Variants in SUGT1 observed in about 807,000 individuals in gnomAD.
The protein encoded by SUGT1 is SGT1 assembly cochaperone of MIS12 kinetochore complex.
In SUGT1, 15 loss-of-function variants were observed where a neutral mutation model predicts 56.1. The observed-to-expected ratio is 0.27, with a 90% CI of 0.18 to 0.41. The LOEUF is 0.41. Ranked by LOEUF, SUGT1 falls within the 10% of genes least tolerant of loss-of-function variation. The probability of loss-of-function intolerance (pLI) is 1.00; values close to 1 mark genes in which losing one functional copy is unlikely to be tolerated. For missense variants in SUGT1, 347 were observed against 382.2 expected (o/e 0.91, Z 0.77); for synonymous variants, 123 against 128.6 (o/e 0.96, Z 0.30).
chr13:52,684,364 T>C (rs1056156570), intron 12 of SUGT1, among the ~76,000 whole-genome samples: 11 of 152,174 alleles, frequency 7.2e-5, no homozygotes. Flanking sequence ...GCTTATGTTA[T>C]TGAATTTTTT....
chr13:52,659,867 C>T (rs1438208880), intron 5 of SUGT1, among the ~76,000 whole-genome samples: 5 of 123,866 alleles, frequency 4.0e-5, no homozygotes, highest in African/African-American at 1.2e-4. Context: ...CTCACTCTGT[C>T]GCCCAGGCTG....
intron 12 of SUGT1, among the ~76,000 whole-genome samples, chr13:52,685,480 T>C (rs1963547023): frequency 1.3e-5 from 2 of 152,162 alleles, no homozygotes; most frequent in Non-Finnish European, 2.9e-5. Flanking sequence ...AAAGTACATC[T>C]ACTTGATCTT....
rs1963712761 is a variant in SUGT1 at position 52,689,488 on chromosome 13, A to G, written c.*1653A>G. 6.6e-6 allele frequency: 1 copy of G among 152,244 alleles called. No homozygotes were observed. Among genetic ancestry groups the G allele is most frequent in the Non-Finnish European group, 1.5e-5 (1 of 68,054 alleles). 9.4% of individuals were successfully genotyped at this position (152,244 alleles called of 1,614,324 possible). A position where few individuals can be genotyped will look rare whatever the true frequency, so the allele number is the denominator to read the frequency against. ...GTATAGCACTATACCAGAGACAAGAATGCTTAGCTCTAGCAAGTCTTCTGT... is the reference window on the plus strand; with the variant it reads ...GTATAGCACTATACCAGAGACAAGAGTGCTTAGCTCTAGCAAGTCTTCTGT... On this transcript the variant is annotated 3_prime_UTR_variant, in exon 13 of 13. Coordinates refer to ENST00000310528, the MANE Select transcript of SUGT1 (RefSeq NM_006704.5).
intron 11 of SUGT1, among the ~76,000 whole-genome samples, chr13:52,678,021 A>G (rs1220320896): frequency 6.6e-6 from 1 of 152,164 alleles, no homozygotes; most frequent in Non-Finnish European, 1.5e-5. Context: ...TGTGTATTGC[A>G]AGCTGGAGAC....
Position 52,689,546 on chromosome 13 carries a change from A to AAC in SUGT1, c.*1711_*1712insAC. The AAC allele has an allele frequency of 6.6e-6, 1 of 152,366 alleles. No individual in the cohort carries two copies. The highest frequency in any genetic ancestry group is 1.9e-4 in the East Asian group (1 of 5,186). 9.4% of individuals were successfully genotyped at this position (152,366 alleles called of 1,614,324 possible). The stretch of plus-strand genomic sequence containing the variant: ...TACCTTCATAATCTTCAGCAGGTTT[A>AAC]GGCCTTTCTTAGTTCCTTTGTAAAT... On this transcript the variant is annotated 3_prime_UTR_variant, in exon 13 of 13. Transcript: ENST00000310528.
At chr13:52,667,957 CT>C (rs529262431) in intron 10 of SUGT1, among the ~76,000 whole-genome samples, 7 of 151,086 alleles carry the variant, frequency 4.6e-5, no homozygotes, top group Non-Finnish European at 1.0e-4. Context: ...TGTAGGTAGG[CT>C]TTTTCCATTA....
chr13:52,695,163 G>A lies in SUGT1; in HGVS notation c.*7328G>A, dbSNP rs1594267075. ...GTTTTCTAAACTTTTTCTGTGGCTT[G>A]AAGTGACTGAAAGTGAACACATTCA... On this transcript the variant is annotated 3_prime_UTR_variant, in exon 13 of 13. Coordinates refer to ENST00000310528, the MANE Select transcript of SUGT1 (RefSeq NM_006704.5). 6.6e-6 allele frequency: 1 copy of A among 152,180 alleles called. No individual in the cohort carries two copies. Among genetic ancestry groups the A allele is most frequent in the South Asian group, 2.1e-4 (1 of 4,824 alleles). 9.4% of individuals were successfully genotyped at this position (152,180 alleles called of 1,614,324 possible). A position where few individuals can be genotyped will look rare whatever the true frequency, so the allele number is the denominator to read the frequency against.
intron 10 of SUGT1, among the ~76,000 whole-genome samples, chr13:52,671,009 C>G (rs562243648): frequency 6.6e-6 from 1 of 152,064 alleles, no homozygotes; most frequent in African/African-American, 2.4e-5. Context: ...TCTTCTCCCA[C>G]TTTGAGAAGT....
intron 7 of SUGT1, 89 bp downstream of exon 7, chr13:52,663,201 C>CT: frequency 7.5e-7 from 1 of 1,342,072 alleles, no homozygotes; most frequent in Non-Finnish European, 1.0e-6. Context: ...GATGAGCTGT[C>CT]TGATATTTAA....
intron 3 of SUGT1, among the ~76,000 whole-genome samples, 182 bp downstream of exon 3, chr13:52,657,804 C>T (rs1270752972): frequency 1.3e-5 from 2 of 152,050 alleles, no homozygotes; most frequent in Non-Finnish European, 2.9e-5. Flanking sequence ...TCGCTTTTTC[C>T]TTCATTGGGT....
At chr13:52,661,675 T>G (rs1204940096) in intron 5 of SUGT1, 4 of 332,496 alleles carry the variant, frequency 1.2e-5, no homozygotes, top group Middle Eastern at 4.4e-4. Flanking sequence ...TTTCCCCTCT[T>G]TGTGTGATAA....
intron 5 of SUGT1, among the ~76,000 whole-genome samples, chr13:52,662,293 G>C (rs1360519679): frequency 6.6e-6 from 1 of 152,160 alleles, no homozygotes; most frequent in African/African-American, 2.4e-5. Flanking sequence ...CACCCTAACT[G>C]ATGGCATATT....
intron 12 of SUGT1, among the ~76,000 whole-genome samples, chr13:52,680,558 A>C (rs1038701765): frequency 2.6e-5 from 4 of 152,174 alleles, no homozygotes; most frequent in Non-Finnish European, 4.4e-5. Flanking sequence ...TCATTGGTTT[A>C]ACAACTCTCT....
chr13:52,663,488 T>G (rs1427888919), intron 7 of SUGT1, among the ~76,000 whole-genome samples: 1 of 152,170 alleles, frequency 6.6e-6, no homozygotes, highest in African/African-American at 2.4e-5. Context: ...AATTGGAAAT[T>G]GACAGGGTCT....
chr13:52,687,683 T>A, intron 12 of SUGT1, 51 bp from the exon 13 acceptor site: 2 of 1,416,200 alleles, frequency 1.4e-6, no homozygotes, highest in African/African-American at 2.9e-5. Context: ...AAAAATATTC[T>A]ATTTTGATTA....
At chr13:52,658,143 T>C in intron 3 of SUGT1, 2 of 1,392,120 alleles carry the variant, frequency 1.4e-6, no homozygotes, top group Non-Finnish European at 1.9e-6. Context: ...AAAATGTTAA[T>C]GAGACAAGGA....
Position 52,695,773 on chromosome 13 carries a change from T to C in SUGT1, c.*7938T>C, listed in dbSNP as rs1243624832. 2 of 152,240 alleles carry C rather than the reference T, an allele frequency of 1.3e-5. No individual in the cohort carries two copies. The highest frequency in any genetic ancestry group is 4.8e-5 in the African/African-American group (2 of 41,460). The allele number at this position is 152,240 out of a possible 1,614,324, so 9.4% of individuals were successfully genotyped here. ...CTTTTTCTGCAAAGGGCACTTACAGTCTATTGCATATTCTTTGTTTTTAGT... is the reference window on the plus strand; with the variant it reads ...CTTTTTCTGCAAAGGGCACTTACAGCCTATTGCATATTCTTTGTTTTTAGT... On this transcript the variant is annotated 3_prime_UTR_variant, in exon 13 of 13. Coordinates refer to ENST00000310528, the MANE Select transcript of SUGT1 (RefSeq NM_006704.5).
intron 10 of SUGT1, among the ~76,000 whole-genome samples, chr13:52,675,031 T>A (rs1450805953): frequency 6.6e-6 from 1 of 152,172 alleles, no homozygotes; most frequent in Non-Finnish European, 1.5e-5. Context: ...GTCTTCTCAG[T>A]ACTCCCCGAT....
chr13:52,672,891 C>G lies in SUGT1; in HGVS notation c.628-3339C>G, dbSNP rs971779651. Among the ~76,000 whole-genome samples the G allele has an allele frequency of 5.9e-5, 9 of 152,006 alleles. No individual in the cohort carries two copies. The East Asian group carries it at 1.7e-3, about 29-fold the overall frequency. ...AGACTTCAGAAGTGGATGGTAGTAC[C>G]TATGCTGTTGAGAGCTAATGATCCA... On this transcript the variant is annotated intron_variant, in intron 10 of 12. Transcript: ENST00000310528.
Sources: allele counts gnomAD v4.1 joint callset (sites outside exome capture counted in the v4.1 genomes callset), GRCh38; gene constraint gnomAD v4.1.1; transcripts MANE v1.5; gene names NCBI Gene and HGNC (gene_info 2026-07-23, HGNC 2026-07-21).